RMND5B: variants seen among roughly 807,000 people sequenced by gnomAD.
RMND5B encodes E3 ubiquitin-protein transferase RMND5B.
Under a neutral mutation model 50.4 loss-of-function variants are expected in RMND5B, and 42 were observed. The observed-to-expected ratio is 0.83, with a 90% confidence interval of 0.65 to 1.08. The LOEUF is 1.08. Among genes scored for constraint, RMND5B ranks in the 50% least tolerant of loss-of-function variants. The pLI, the probability that RMND5B is intolerant of heterozygous loss-of-function variation, is 0.00. For missense variants in RMND5B, 463 were observed against 508.5 expected (o/e 0.91, Z 0.86); for synonymous variants, 220 against 210.0 (o/e 1.05, Z -0.41).
At chr5:178,143,041 CCTG>C in intron 5 of RMND5B, 49 bp downstream of exon 5, 1 of 1,572,886 alleles carries the variant, frequency 6.4e-7, no homozygotes, top group Non-Finnish European at 8.6e-7. Context: ...CTGCCTTTCA[CCTG>C]CTAGTTTTCA....
chr5:178,146,809 G>A (rs952506595), intron 8 of RMND5B: 2 of 156,406 alleles, frequency 1.3e-5, no homozygotes, highest in Admixed American at 1.2e-4. Context: ...GCCTCGCAGG[G>A]AATAATGGGC....
rs1410169549 is a variant in RMND5B, at chr5:178,138,493, ATTTTT to A, written c.139+236_139+240del. 8.9e-7 allele frequency: 1 copy of A among 1,126,932 alleles called. No homozygotes were observed. The highest frequency in any genetic ancestry group is 1.6e-5 in the African/African-American group (1 of 61,594). The allele number at this position is 1,126,932 out of a possible 1,614,324, so 69.8% of individuals were successfully genotyped here. Reference sequence around the variant, plus strand: ...CATTTTGTTTTCAACTTACTTTTCTATTTTTAACTTTTTTTCATTTTATAATTGTG... The same window carrying A: ...CATTTTGTTTTCAACTTACTTTTCTAAACTTTTTTTCATTTTATAATTGTG... On this transcript the variant is annotated intron_variant, in intron 3 of 10. Transcript: ENST00000313386. The surrounding 1 kb of genome is among the most constrained non-coding windows in gnomAD (Gnocchi z 5.1).
intron 7 of RMND5B, among the ~76,000 whole-genome samples, chr5:178,144,848 C>T (rs759080093): frequency 2.6e-5 from 4 of 152,004 alleles, no homozygotes; most frequent in East Asian, 1.9e-4. Context: ...AACCCCTGCC[C>T]CTGCTCCCAT....
intron 7 of RMND5B, 105 bp from the exon 8 acceptor site, chr5:178,146,009 C>A: frequency 1.7e-6 from 2 of 1,203,110 alleles, no homozygotes; most frequent in Non-Finnish European, 2.3e-6. Flanking sequence ...GCTTGGGAGC[C>A]ACCGGGCTCA....
At chr5:178,134,246 G>A (rs1452247301) in intron 2 of RMND5B, among the ~76,000 whole-genome samples, 1 of 152,192 alleles carries the variant, frequency 6.6e-6, no homozygotes, top group Non-Finnish European at 1.5e-5. Context: ...TTCACTGAGG[G>A]CTCAAGGGGA....
In RMND5B at chr5:178,142,566, T is replaced by C; in HGVS notation, c.140-17T>C. On this transcript the variant is annotated splice_polypyrimidine_tract_variant and intron_variant, in intron 3 of 10. Coordinates refer to ENST00000313386, the MANE Select transcript of RMND5B (RefSeq NM_022762.5). Reference sequence around the variant, plus strand: ...CCAGTCTGCCTCCTCTGTGTCCTTATTCCACTTTCTCTGCAGCCCTCCAGG... The same window carrying C: ...CCAGTCTGCCTCCTCTGTGTCCTTACTCCACTTTCTCTGCAGCCCTCCAGG... The C allele has an allele frequency of 6.2e-7, 1 of 1,600,236 alleles. No homozygotes were observed. Among genetic ancestry groups the C allele is most frequent in the South Asian group, 1.1e-5 (1 of 88,232 alleles).
At chr5:178,134,513 C>T (rs1409258771) in intron 2 of RMND5B, among the ~76,000 whole-genome samples, 2 of 152,110 alleles carry the variant, frequency 1.3e-5, no homozygotes, top group East Asian at 3.9e-4. Flanking sequence ...ATCTATTAAT[C>T]ATGAAGTTTG....
Position 178,138,328 on chromosome 5 carries a change from G to A in RMND5B, c.139+70G>A, listed in dbSNP as rs1174309975. 8 of 1,571,960 alleles carry A rather than the reference G, an allele frequency of 5.1e-6. No individual in the cohort carries two copies. Among genetic ancestry groups the A allele is most frequent in the Non-Finnish European group, 6.0e-6 (7 of 1,159,058 alleles). ...GACATGGGAGACCCGAAGCTACTGA[G>A]TGACAGGGTTCCGGAAGGACGATGA... On this transcript the variant is annotated intron_variant, in intron 3 of 10. Coordinates refer to ENST00000313386, the MANE Select transcript of RMND5B (RefSeq NM_022762.5). The surrounding 1 kb of genome is among the most constrained non-coding windows in gnomAD (Gnocchi z 5.1).
intron 2 of RMND5B, among the ~76,000 whole-genome samples, chr5:178,132,793 A>AG (rs1289970971): frequency 6.5e-4 from 93 of 143,754 alleles, no homozygotes; most frequent in African/African-American, 2.2e-3. Context: ...GCCTCACAAA[A>AG]AAAAAAAAAA....
chr5:178,133,714 ATTTT>A (rs35907767), intron 2 of RMND5B: 2 of 143,436 alleles, frequency 1.4e-5, no homozygotes, highest in Non-Finnish European at 3.0e-5. Context: ...CCAATCAACA[ATTTT>A]TTTTTTTTTT....
chr5:178,147,891 C>T lies in RMND5B; in HGVS notation c.1118+8C>T, dbSNP rs200588463. The T allele has an allele frequency of 3.7e-6, 6 of 1,614,118 alleles. No homozygotes were observed. In the Admixed American group the frequency reaches 6.7e-5, roughly 18 times the overall value. On this transcript the variant is annotated splice_region_variant and intron_variant, in intron 10 of 10. Coordinates refer to ENST00000313386, the MANE Select transcript of RMND5B (RefSeq NM_022762.5). ...GCTCATTAATGGAGGAAAGTAAGTT[C>T]CCCGTGCTCTACTCCACCTTGGCTT...
chr5:178,136,974 G>A (rs186502577), intron 2 of RMND5B, among the ~76,000 whole-genome samples: 49 of 152,264 alleles, frequency 3.2e-4, no homozygotes, highest in African/African-American at 1.2e-3. Flanking sequence ...GGGGAGGCAG[G>A]CCCAGTGACC....
In RMND5B at chr5:178,142,725, C is replaced by T. The variant is rs1561635795; in HGVS notation, c.282C>T (p.Asp94=). ...SSVSRVGKAI[D]RNFDSEICGV... is the part of the protein sequence containing the mutation. Reference sequence around the variant, plus strand: ...TATCCCGAGTGGGCAAAGCCATTGACAGGGTGAGCACGTGGCCGGCTCCAG... The same window carrying T: ...TATCCCGAGTGGGCAAAGCCATTGATAGGGTGAGCACGTGGCCGGCTCCAG... Residue 94 remains aspartate (D), a synonymous_variant, in exon 4 of 11, where the codon GAC becomes GAT. Coordinates refer to ENST00000313386, the MANE Select transcript of RMND5B (RefSeq NM_022762.5). 5 of 1,614,230 alleles carry T rather than the reference C, an allele frequency of 3.1e-6. No individual in the cohort carries two copies. Among genetic ancestry groups the T allele is most frequent in the Non-Finnish European group, 4.2e-6 (5 of 1,180,044 alleles).
intron 5 of RMND5B, 123 bp downstream of exon 5, chr5:178,143,115 GC>G: frequency 1.7e-6 from 2 of 1,167,262 alleles, no homozygotes; most frequent in Non-Finnish European, 2.4e-6. Flanking sequence ...CAGCACCTCT[GC>G]CAGAAGCAGA....
At chr5:178,140,002 G>A (rs1397095386) in intron 3 of RMND5B, among the ~76,000 whole-genome samples, 1 of 151,910 alleles carries the variant, frequency 6.6e-6, no homozygotes, top group Non-Finnish European at 1.5e-5. Context: ...CATGACATTG[G>A]TATTTTTGAA....
At chr5:178,133,708 T>C (rs1231646263) in intron 2 of RMND5B, 1 of 107,824 alleles carries the variant, frequency 9.3e-6, no homozygotes, top group African/African-American at 3.3e-5. Flanking sequence ...CGCCGGCCAA[T>C]CAACAATTTT....
chr5:178,142,734 C>T lies in RMND5B; in HGVS notation c.285+6C>T, dbSNP rs1759012159. The T allele has an allele frequency of 1.9e-6, 3 of 1,614,102 alleles. No homozygotes were observed. The highest frequency in any genetic ancestry group is 2.7e-5 in the African/African-American group (2 of 74,922). On this transcript the variant is annotated splice_donor_region_variant and intron_variant, in intron 4 of 10. Coordinates refer to ENST00000313386, the MANE Select transcript of RMND5B (RefSeq NM_022762.5). ...TGGGCAAAGCCATTGACAGGGTGAGCACGTGGCCGGCTCCAGGCGTGGGGT... is the reference window on the plus strand; with the variant it reads ...TGGGCAAAGCCATTGACAGGGTGAGTACGTGGCCGGCTCCAGGCGTGGGGT...
rs1296159742 is a variant in RMND5B, at chr5:178,147,543, GGCTGTGTGGC to G, written c.876_885del (p.Val293LeufsTer3). 11 of 1,614,038 alleles carry G rather than the reference GGCTGTGTGGC, an allele frequency of 6.8e-6. No homozygotes were observed. The highest frequency in any genetic ancestry group is 7.6e-6 in the Non-Finnish European group (9 of 1,179,968). On this transcript the variant is annotated frameshift_variant, in exon 9 of 11. Coordinates refer to ENST00000313386, the MANE Select transcript of RMND5B (RefSeq NM_022762.5). LOFTEE classifies it high-confidence loss of function. ...GTTCCTTGTCTGCAGCTTTGCCTCT[GGCTGTGTGGC>G]GCTGCCTGTGTTGATGAACATCAAG...
In RMND5B at chr5:178,138,704, A is replaced by G. The variant is rs1428471405; in HGVS notation, c.139+446A>G. Among the ~76,000 whole-genome samples, 1 of 152,166 alleles carries G rather than the reference A, an allele frequency of 6.6e-6. No homozygotes were observed. Among genetic ancestry groups the G allele is most frequent in the Non-Finnish European group, 1.5e-5 (1 of 68,046 alleles). ...AGATTTTAAAGATAATTTCAAATTT[A>G]CAGACCAATTCCAAGAATAGTATAA... On this transcript the variant is annotated intron_variant, in intron 3 of 10. Coordinates refer to ENST00000313386, the MANE Select transcript of RMND5B (RefSeq NM_022762.5). This position sits in a 1 kb window ranked among gnomAD's most constrained non-coding sequence, Gnocchi z 5.1.
Sources: gnomAD v4.1 joint callset for allele counts (sites outside exome capture counted in the v4.1 genomes callset) on GRCh38, gnomAD v4.1.1 for gene constraint, Gnocchi (gnomAD v3.1) non-coding constraint, MANE v1.5 for transcripts, NCBI Gene and HGNC (gene_info 2026-07-23, HGNC 2026-07-21) for gene names.